STK4: variants seen among roughly 807,000 people sequenced by gnomAD.
STK4 encodes serine/threonine kinase 4.
STK4 carries 30 observed loss-of-function variants against 64.9 expected under a neutral mutation model. The observed-to-expected ratio is 0.46, with a 90% CI of 0.35 to 0.63. The LOEUF (loss-of-function observed/expected upper bound fraction) is 0.63, where lower values mean the gene tolerates loss of function less well. STK4 is among the 20% of genes least tolerant of loss of function. The probability of loss-of-function intolerance (pLI) is 0.01; values close to 1 mark genes in which losing one functional copy is unlikely to be tolerated. For missense variants in STK4, 466 were observed against 598.5 expected, an observed-to-expected ratio of 0.78 and a Z score of 2.31; for synonymous variants, 177 against 199.0, an observed-to-expected ratio of 0.89 and a Z score of 0.93.
intron 9 of STK4, among the ~76,000 whole-genome samples, chr20:45,018,897 TA>T (rs927062653): frequency 1.5e-4 from 23 of 150,710 alleles, no homozygotes; most frequent in Non-Finnish European, 2.2e-4. Context: ...CCAGCTAATT[TA>T]AAAAAAAAAT....
At chr20:45,073,107 A>G (rs1980218146) in intron 10 of STK4, among the ~76,000 whole-genome samples, 1 of 152,192 alleles carries the variant, frequency 6.6e-6, no homozygotes, top group Admixed American at 6.5e-5. Context: ...ATTCTTAACT[A>G]CCAGTTACAT....
chr20:44,997,209 G>A lies in STK4; in HGVS notation c.734G>A (p.Arg245Gln), dbSNP rs770104834. The A allele has an allele frequency of 8.7e-6, 14 of 1,613,906 alleles. No homozygotes were observed. In the South Asian group the frequency reaches 8.8e-5, roughly 10 times the overall value. ...CCTACAAATCCTCCTCCCACATTCC[G>A]AAAACCAGAGCTATGGTCAGATAAC... ...MIPTNPPPTFRKPELWSDNFT... is the reference protein window; with the variant it reads ...MIPTNPPPTFQKPELWSDNFT... The change falls in exon 7 of 11, where the codon CGA becomes CAA. Residue 245 changes from arginine to glutamine, a missense_variant. By Grantham distance (43) the Arg-to-Gln change is conservative (BLOSUM62 1). This residue lies in a region of STK4 where 276 missense variants were observed against 308.9 expected (regional missense o/e 0.89). Transcript: ENST00000372806.
At chr20:45,059,853 A>G (rs913163394) in intron 10 of STK4, among the ~76,000 whole-genome samples, 1 of 152,170 alleles carries the variant, frequency 6.6e-6, no homozygotes, top group Admixed American at 6.5e-5. Context: ...TTTGGTATGC[A>G]TGGATCAATT....
At chr20:44,999,067 C>G (rs1237371863) in intron 7 of STK4, among the ~76,000 whole-genome samples, 1 of 127,752 alleles carries the variant, frequency 7.8e-6, no homozygotes, top group African/African-American at 2.8e-5. Context: ...GACTCCATCT[C>G]AAAAAAAAAA....
intron 10 of STK4, among the ~76,000 whole-genome samples, chr20:45,037,618 T>C (rs1044333935): frequency 6.6e-6 from 1 of 152,132 alleles, no homozygotes; most frequent in Non-Finnish European, 1.5e-5. Context: ...TGGCTTTTTG[T>C]GGTAAGGAAG....
chr20:45,027,628 T>C (rs572771552), intron 10 of STK4, among the ~76,000 whole-genome samples: 2 of 152,182 alleles, frequency 1.3e-5, no homozygotes, highest in African/African-American at 4.8e-5. Context: ...TTGGGAACAT[T>C]ATAAATCTTC....
At chr20:44,970,666 C>T (rs2067227710) in intron 1 of STK4, 1 of 152,138 alleles carries the variant, frequency 6.6e-6, no homozygotes. Context: ...TTTCAAAGGT[C>T]ACTGTGATCA....
At chr20:45,054,621 C>T (rs1978326620) in intron 10 of STK4, among the ~76,000 whole-genome samples, 1 of 137,932 alleles carries the variant, frequency 7.2e-6, no homozygotes, top group South Asian at 2.3e-4. Context: ...CAGAGTCAGA[C>T]AGAACCTGAT....
Position 45,063,927 on chromosome 20 carries a change from C to A in STK4, c.1306-11091C>A, listed in dbSNP as rs369379441. ...GGTTCACGCCATTCTTCTGCCTCAG[C>A]CTCCCGAGTAGCTGGGAATACAGGC... On this transcript the variant is annotated intron_variant, in intron 10 of 10. Coordinates refer to ENST00000372806, the MANE Select transcript of STK4 (RefSeq NM_006282.5). Among the ~76,000 whole-genome samples, 7 of 152,084 alleles carry A rather than the reference C, an allele frequency of 4.6e-5. No homozygotes were observed. The East Asian group carries it at 1.4e-3, about 29-fold the overall frequency.
intron 9 of STK4, among the ~76,000 whole-genome samples, chr20:45,004,130 C>T (rs766297453): frequency 2.0e-5 from 3 of 151,808 alleles, no homozygotes; most frequent in African/African-American, 7.3e-5. Flanking sequence ...GAGTCTTGCT[C>T]TTTCGCCCAG....
chr20:45,024,514 G>C (rs2068309304), intron 9 of STK4, among the ~76,000 whole-genome samples: 1 of 152,060 alleles, frequency 6.6e-6, no homozygotes, highest in Non-Finnish European at 1.5e-5. Flanking sequence ...GTTAGATTAT[G>C]AGATTATCAA....
chr20:44,980,420 C>T (rs568369895), intron 3 of STK4, among the ~76,000 whole-genome samples: 1 of 152,276 alleles, frequency 6.6e-6, no homozygotes, highest in African/African-American at 2.4e-5. Context: ...ACAATCTAGC[C>T]AGTTAAAGCT....
intron 10 of STK4, among the ~76,000 whole-genome samples, chr20:45,050,025 C>T (rs895834043): frequency 2.0e-5 from 3 of 152,146 alleles, no homozygotes; most frequent in Admixed American, 6.6e-5. Flanking sequence ...CCTGAGAATC[C>T]GTTTGGCCAC....
intron 8 of STK4, 183 bp downstream of exon 8, chr20:45,000,703 C>T: frequency 1.2e-6 from 1 of 813,130 alleles, no homozygotes; most frequent in South Asian, 2.0e-5. Context: ...TTATTCTTCT[C>T]CCAGTGCTTC....
At chr20:45,071,138 G>A (rs1444718235) in intron 10 of STK4, among the ~76,000 whole-genome samples, 2 of 152,086 alleles carry the variant, frequency 1.3e-5, no homozygotes, top group Non-Finnish European at 2.9e-5. Context: ...GGATGTGCGA[G>A]TATGGAGTAT....
intron 5 of STK4, among the ~76,000 whole-genome samples, chr20:44,988,545 ATATATATATATATATATATATATG>A (rs1458910095): frequency 2.3e-5 from 3 of 132,622 alleles, no homozygotes; most frequent in Non-Finnish European, 4.7e-5. Flanking sequence ...ATATATATAT[ATATATATATATATATATATATATG>A]TATCCATTCC....
At chr20:45,062,989 C>CTTGTTTTTTTTTTT (rs1979211481) in intron 10 of STK4, among the ~76,000 whole-genome samples, 1 of 31,500 alleles carries the variant, frequency 3.2e-5, no homozygotes, top group Non-Finnish European at 5.8e-5. Flanking sequence ...CGCACCCGGC[C>CTTGTTTTTTTTTTT]TTTTTTTTTT....
At chr20:45,032,181 A>T (rs1600508688) in intron 10 of STK4, among the ~76,000 whole-genome samples, 1 of 152,360 alleles carries the variant, frequency 6.6e-6, no homozygotes, top group East Asian at 1.9e-4. Context: ...CGCAATTAAC[A>T]ACACTGATAA....
At chr20:45,055,091 T>C (rs1409687038) in intron 10 of STK4, among the ~76,000 whole-genome samples, 2 of 152,124 alleles carry the variant, frequency 1.3e-5, no homozygotes, top group African/African-American at 2.4e-5. Flanking sequence ...TTCTCTTACA[T>C]GGGGAGGTTT....
Sources: gnomAD v4.1 joint callset for allele counts (sites outside exome capture counted in the v4.1 genomes callset) on GRCh38, gnomAD v4.1.1 for gene constraint, gnomAD v4.1.1 regional missense constraint, MANE v1.5 for transcripts, NCBI Gene and HGNC (gene_info 2026-07-23, HGNC 2026-07-21) for gene names.